The following SHISA6 variants were observed in gnomAD, a reference collection of about 807,000 sequenced individuals.
The protein encoded by SHISA6 is protein shisa-6.
Under a neutral mutation model 47.9 loss-of-function variants are expected in SHISA6, and 22 were observed. That is an observed-to-expected ratio of 0.46 (90% confidence interval 0.33 to 0.66). SHISA6 has a LOEUF of 0.66. Ranked by LOEUF, SHISA6 falls within the 30% of genes least tolerant of loss-of-function variation. SHISA6 has a pLI of 0.02. For synonymous variants in SHISA6, 388 were observed against 337.8 expected (o/e 1.15, Z -1.63); for missense variants, 680 against 764.6 (o/e 0.89, Z 1.30).
chr17:11,325,588 T>TA (rs1377568145), intron 2 of SHISA6, among the ~76,000 whole-genome samples: 5 of 151,716 alleles, frequency 3.3e-5, no homozygotes, highest in Non-Finnish European at 7.4e-5. Context: ...ATTTCTCATT[T>TA]AAAAAAAAGA....
chr17:11,325,581 T>C (rs1196112980), intron 2 of SHISA6, among the ~76,000 whole-genome samples: 1 of 151,864 alleles, frequency 6.6e-6, no homozygotes, highest in African/African-American at 2.4e-5. Flanking sequence ...AAGAAACATT[T>C]CTCATTTAAA....
chr17:11,393,436 CCACCCTTCACCCACA>C (rs1913456942), intron 3 of SHISA6, among the ~76,000 whole-genome samples: 1 of 152,122 alleles, frequency 6.6e-6, no homozygotes, highest in South Asian at 2.1e-4. Flanking sequence ...TTTCCACTGC[CCACCCTTCACCCACA>C]TCCTGTCCTC....
At chr17:11,292,594 G>A (rs1477412418) in intron 2 of SHISA6, among the ~76,000 whole-genome samples, 1 of 151,924 alleles carries the variant, frequency 6.6e-6, no homozygotes, top group Admixed American at 6.6e-5. Flanking sequence ...AAGATCCTGG[G>A]GAAGAAAATT....
intron 3 of SHISA6, among the ~76,000 whole-genome samples, chr17:11,454,615 A>C (rs1410298358): frequency 1.3e-5 from 2 of 152,008 alleles, no homozygotes; most frequent in Non-Finnish European, 2.9e-5. Context: ...GCCTGTGGAC[A>C]CCCTGCCCGC....
chr17:11,427,065 C>T (rs1914628634), intron 3 of SHISA6, among the ~76,000 whole-genome samples: 1 of 152,168 alleles, frequency 6.6e-6, no homozygotes, highest in Admixed American at 6.5e-5. Context: ...CAAAACTTTT[C>T]TAAAGTTCCT....
intron 2 of SHISA6, among the ~76,000 whole-genome samples, chr17:11,358,618 C>G (rs1912153672): frequency 6.6e-6 from 1 of 150,462 alleles, no homozygotes; most frequent in African/African-American, 2.5e-5. Context: ...CTCGGCCTCC[C>G]AAAGTGCTGG....
rs531720760 is a variant in SHISA6, at chr17:11,354,205, T to C, written c.800-25209T>C. On this transcript the variant is annotated intron_variant, in intron 2 of 5. Coordinates refer to ENST00000441885, the MANE Select transcript of SHISA6 (RefSeq NM_207386.4). ...CTCTGCACTAAAGTTTCTCAAATGT[T>C]GATGTGCACAGGAATCATCTGGGGA... Among the ~76,000 whole-genome samples, 44 of 152,298 alleles carry C rather than the reference T, an allele frequency of 2.9e-4. No individual in the cohort carries two copies. The East Asian group carries it at 7.7e-3, about 27-fold the overall frequency.
Position 11,563,926 on chromosome 17 carries a change from C to T in SHISA6, c.*5622C>T, listed in dbSNP as rs532254961. On this transcript the variant is annotated 3_prime_UTR_variant, in exon 6 of 6. Transcript: ENST00000441885. Reference sequence around the variant, plus strand: ...AACTGCTTCTCTGTACAAATCTCATCGTTCTACTTACCTGTCAAAGCACAT... The same window carrying T: ...AACTGCTTCTCTGTACAAATCTCATTGTTCTACTTACCTGTCAAAGCACAT... 1 of 152,282 alleles carries T rather than the reference C, an allele frequency of 6.6e-6. No individual in the cohort carries two copies. The highest frequency in any genetic ancestry group is 2.4e-5 in the African/African-American group (1 of 41,556). The allele number at this position is 152,282 out of a possible 1,614,324, so 9.4% of individuals were successfully genotyped here.
intron 3 of SHISA6, among the ~76,000 whole-genome samples, chr17:11,443,300 T>C (rs1286270770): frequency 6.6e-6 from 1 of 152,188 alleles, no homozygotes; most frequent in Admixed American, 6.5e-5. Context: ...AGTGGGCCCA[T>C]GGAACATGAA....
intron 3 of SHISA6, among the ~76,000 whole-genome samples, chr17:11,412,545 C>T (rs74253503): frequency 2.4e-4 from 28 of 117,158 alleles, no homozygotes; most frequent in Admixed American, 6.4e-4. Flanking sequence ...TAGACTTCTT[C>T]TTTTTTTTTT....
chr17:11,545,412 G>A (rs975954583), intron 3 of SHISA6, among the ~76,000 whole-genome samples: 1 of 152,160 alleles, frequency 6.6e-6, no homozygotes, highest in Non-Finnish European at 1.5e-5. Flanking sequence ...GGAAGTGGGT[G>A]CGGCTATAAA....
chr17:11,534,997 A>G (rs559919819), intron 3 of SHISA6, among the ~76,000 whole-genome samples: 78 of 152,146 alleles, frequency 5.1e-4, no homozygotes, highest in South Asian at 1.7e-3. Context: ...GCGTGGTGGC[A>G]GGCACCTGTA....
chr17:11,551,859 A>G, intron 3 of SHISA6, 37 bp from the exon 4 acceptor site: 1 of 1,525,016 alleles, frequency 6.6e-7, no homozygotes. Flanking sequence ...GGAATGCCTG[A>G]ACTCTTCTTT....
At chr17:11,311,462 G>A (rs569665258) in intron 2 of SHISA6, among the ~76,000 whole-genome samples, 1 of 152,216 alleles carries the variant, frequency 6.6e-6, no homozygotes, top group East Asian at 1.9e-4. Context: ...ATTGGAAAAT[G>A]TATTACAAAT....
At chr17:11,513,190 ATATATATGTGTG>A (rs66650431) in intron 3 of SHISA6, among the ~76,000 whole-genome samples, 72,159 of 150,092 alleles carry the variant, frequency 0.48, 17,689 homozygotes, top group East Asian at 0.57. Flanking sequence ...TATTACACAC[ATATATATGTGTG>A]TATATATGTA....
intron 3 of SHISA6, among the ~76,000 whole-genome samples, chr17:11,411,946 T>C (rs1914133789): frequency 6.6e-6 from 1 of 152,206 alleles, no homozygotes; most frequent in South Asian, 2.1e-4. Context: ...CAATGTATGA[T>C]TGTTTTTAGA....
intron 3 of SHISA6, among the ~76,000 whole-genome samples, chr17:11,550,842 A>T (rs776443367): frequency 6.6e-6 from 1 of 152,242 alleles, no homozygotes; most frequent in Non-Finnish European, 1.5e-5. Context: ...TGAAGTCTTC[A>T]CAAAGATGCC....
chr17:11,480,544 C>T (rs16944825), intron 3 of SHISA6, among the ~76,000 whole-genome samples: 7,067 of 152,178 alleles, frequency 0.046, 200 homozygotes, highest in African/African-American at 0.064. Context: ...CTGGTAGGTT[C>T]TCCCCTGACT....
chr17:11,502,591 G>A (rs1157065286), intron 3 of SHISA6, among the ~76,000 whole-genome samples: 2 of 151,630 alleles, frequency 1.3e-5, no homozygotes, highest in Admixed American at 6.6e-5. Flanking sequence ...GCCACGCATG[G>A]TGGTGTGTGC....
Sources: gnomAD v4.1 joint callset for allele counts (sites outside exome capture counted in the v4.1 genomes callset) on GRCh38, gnomAD v4.1.1 for gene constraint, MANE v1.5 for transcripts, NCBI Gene and HGNC (gene_info 2026-07-23, HGNC 2026-07-21) for gene names.